Variants in PXDNL observed in about 807,000 individuals in gnomAD.
PXDNL encodes peroxidasin like.
PXDNL carries 145 observed loss-of-function variants against 150.8 expected under a neutral mutation model. The ratio of observed to expected loss-of-function variants is 0.96; its 90% CI spans 0.84 to 1.10. The LOEUF (loss-of-function observed/expected upper bound fraction) is 1.10. PXDNL is among the 50% of genes least tolerant of loss of function. The pLI, the probability that PXDNL is intolerant of heterozygous loss-of-function variation, is 0.00. For synonymous variants in PXDNL, 757 were observed against 725.7 expected (o/e 1.04, Z -0.69); for missense variants, 2,087 against 1,873.9 (o/e 1.11, Z -2.10).
intron 1 of PXDNL, among the ~76,000 whole-genome samples, chr8:51,766,743 T>TTA (rs549382033): frequency 2.6e-5 from 4 of 151,362 alleles, no homozygotes; most frequent in East Asian, 1.9e-4. Context: ...ATCTTTTTTT[T>TTA]AAAAAAAAAA....
At position 51,608,698 on chromosome 8, in the gene PXDNL, G is replaced by T. The variant is rs539351948; in HGVS notation, c.237-16000C>A. ...TAAAAATACAAAAAATTAGCCGGGC[G>T]TGGTGGTGGGTGCCTGTAGTCCCAG... On this transcript the variant is annotated intron_variant, in intron 2 of 22. Coordinates refer to ENST00000356297, the MANE Select transcript of PXDNL (RefSeq NM_144651.5). Among the ~76,000 whole-genome samples, 12 of 151,378 alleles carry T rather than the reference G, an allele frequency of 7.9e-5. No individual in the cohort carries two copies. The East Asian group carries it at 2.4e-3, about 30-fold the overall frequency.
At chr8:51,565,901 C>T (rs1403388824) in intron 3 of PXDNL, among the ~76,000 whole-genome samples, 2 of 151,722 alleles carry the variant, frequency 1.3e-5, no homozygotes, top group Non-Finnish European at 2.9e-5. Flanking sequence ...GGATACTTAA[C>T]CTGTAGTTTC....
intron 4 of PXDNL, among the ~76,000 whole-genome samples, chr8:51,501,486 AC>A (rs760667748): frequency 2.1e-4 from 25 of 117,204 alleles, no homozygotes; most frequent in Non-Finnish European, 3.6e-4. Flanking sequence ...TTACACTAAC[AC>A]ACACACGGAC....
chr8:51,432,070 C>T (rs1470444111), intron 12 of PXDNL, among the ~76,000 whole-genome samples: 2 of 152,100 alleles, frequency 1.3e-5, no homozygotes, highest in African/African-American at 4.8e-5. Flanking sequence ...TCTTTCTATA[C>T]TATCATAATG....
rs538462632 is a variant in PXDNL, at chr8:51,721,716, A to G, written c.165-66956T>C. 258 of 464,326 alleles carry G rather than the reference A, an allele frequency of 5.6e-4. 1 individual carries two copies. The highest frequency in any genetic ancestry group is 4.8e-3 in the African/African-American group (241 of 49,940). 28.8% of individuals were successfully genotyped at this position (464,326 alleles called of 1,614,324 possible). On this transcript the variant is annotated intron_variant, in intron 1 of 22. Transcript: ENST00000356297. ...AAGCCTCATCAAAATTCTCCACAAG[A>G]TCGGGAACTTCACTATCATCATCAT...
At chr8:51,726,248 G>A (rs190353595) in intron 1 of PXDNL, among the ~76,000 whole-genome samples, 4 of 152,126 alleles carry the variant, frequency 2.6e-5, no homozygotes, top group Admixed American at 1.3e-4. Flanking sequence ...TACCTCTGGC[G>A]CCCCAGGTAG....
intron 17 of PXDNL, among the ~76,000 whole-genome samples, chr8:51,380,458 C>T (rs2915505): frequency 0.7 from 106,579 of 152,118 alleles, 40,508 homozygotes; most frequent in East Asian, 0.95. Flanking sequence ...TGAGAATGTT[C>T]GTTGTCTCCA....
chr8:51,449,766 C>T (rs976227974), intron 10 of PXDNL, among the ~76,000 whole-genome samples: 1 of 152,168 alleles, frequency 6.6e-6, no homozygotes, highest in African/African-American at 2.4e-5. Flanking sequence ...TTAAGAAGAG[C>T]GCAATGATCC....
intron 12 of PXDNL, among the ~76,000 whole-genome samples, chr8:51,428,752 CA>C (rs1809175717): frequency 6.6e-6 from 1 of 151,758 alleles, no homozygotes; most frequent in African/African-American, 2.4e-5. Flanking sequence ...AACTATTATT[CA>C]AAAAAATAGG....
At chr8:51,377,751 C>T (rs918572815) in intron 17 of PXDNL, among the ~76,000 whole-genome samples, 3 of 152,216 alleles carry the variant, frequency 2.0e-5, no homozygotes, top group Non-Finnish European at 4.4e-5. Flanking sequence ...AGCTGCCTCC[C>T]TGCGGGGCAG....
intron 19 of PXDNL, among the ~76,000 whole-genome samples, chr8:51,350,055 T>C (rs1188423771): frequency 1.3e-5 from 2 of 152,058 alleles, no homozygotes; most frequent in Non-Finnish European, 2.9e-5. Flanking sequence ...TGGTTCTTTA[T>C]CTCTTACCGA....
intron 19 of PXDNL, among the ~76,000 whole-genome samples, chr8:51,361,962 A>AGG (rs1280353080): frequency 6.7e-6 from 1 of 148,380 alleles, no homozygotes; most frequent in African/African-American, 2.5e-5. Flanking sequence ...AAAAAAAAAA[A>AGG]AAAGAAAAGA....
intron 19 of PXDNL, among the ~76,000 whole-genome samples, chr8:51,356,497 T>A (rs200107361): frequency 9.8e-3 from 1,311 of 133,552 alleles, no homozygotes; most frequent in Non-Finnish European, 0.011. Context: ...AAAAAAAGAA[T>A]AAAAAAAAAA....
At chr8:51,780,640 T>C (rs1421170062) in intron 1 of PXDNL, among the ~76,000 whole-genome samples, 3 of 132,974 alleles carry the variant, frequency 2.3e-5, no homozygotes, top group Non-Finnish European at 4.7e-5. Context: ...TTCTTTTTCT[T>C]TTTCTTTTCT....
intron 1 of PXDNL, among the ~76,000 whole-genome samples, chr8:51,709,255 T>C (rs200037556): frequency 1.5e-5 from 2 of 132,410 alleles, no homozygotes; most frequent in Non-Finnish European, 3.1e-5. Context: ...CCCAAATCCC[T>C]TTTTTTTTTT....
At chr8:51,511,933 C>T (rs1205373819) in intron 4 of PXDNL, among the ~76,000 whole-genome samples, 2 of 152,184 alleles carry the variant, frequency 1.3e-5, no homozygotes, top group Middle Eastern at 3.2e-3. Flanking sequence ...CCCCCATCAT[C>T]CAGCCAAGTT....
intron 1 of PXDNL, among the ~76,000 whole-genome samples, chr8:51,761,234 A>G (rs936139172): frequency 6.6e-6 from 1 of 151,964 alleles, no homozygotes; most frequent in East Asian, 1.9e-4. Context: ...CTTGATATTT[A>G]CAAACAGCAG....
chr8:51,456,279 G>A (rs1809936430), intron 9 of PXDNL, among the ~76,000 whole-genome samples: 1 of 152,118 alleles, frequency 6.6e-6, no homozygotes, highest in East Asian at 1.9e-4. Context: ...GTATGCTCCA[G>A]GATCTCCATC....
chr8:51,485,566 C>T (rs535732374), intron 5 of PXDNL, among the ~76,000 whole-genome samples: 1 of 152,132 alleles, frequency 6.6e-6, no homozygotes, highest in African/African-American at 2.4e-5. Context: ...ATTTGATCAT[C>T]ACCAAGATCA....
Sources: gnomAD v4.1 joint callset for allele counts (sites outside exome capture counted in the v4.1 genomes callset) on GRCh38, gnomAD v4.1.1 for gene constraint, MANE v1.5 for transcripts, NCBI Gene and HGNC (gene_info 2026-07-23, HGNC 2026-07-21) for gene names.